UBR1: variants seen among roughly 807,000 people sequenced by gnomAD.
The protein encoded by UBR1 is E3 ubiquitin-protein ligase UBR1.
Under a neutral mutation model 242.1 loss-of-function variants are expected in UBR1, and 102 were observed. That is an observed-to-expected ratio of 0.42 (90% CI 0.36 to 0.50). UBR1 has a LOEUF of 0.50. UBR1 is among the 20% of genes least tolerant of loss of function. The pLI, the probability that UBR1 is intolerant of heterozygous loss-of-function variation, is 0.01. For synonymous variants in UBR1, 675 were observed against 684.8 expected, an observed-to-expected ratio of 0.99 and a Z score of 0.22; for missense variants, 1,772 against 2,101.8, an observed-to-expected ratio of 0.84 and a Z score of 3.07.
chr15:43,027,870 G>T lies in UBR1; in HGVS notation c.2380-42C>A. 3 of 1,456,866 alleles carry T rather than the reference G, an allele frequency of 2.1e-6. No individual in the cohort carries two copies. In the South Asian group the frequency reaches 3.4e-5, roughly 17 times the overall value. 90.2% of individuals were successfully genotyped at this position (1,456,866 alleles called of 1,614,324 possible). On this transcript the variant is annotated intron_variant, in intron 21 of 46. Transcript: ENST00000290650. ...TTTGTCATTTTTACCTTCATATAAT[G>T]ACTTCCACCTCTCTGTGAAGTGAAA...
At chr15:43,093,226 C>G (rs1202975867) in intron 1 of UBR1, among the ~76,000 whole-genome samples, 5 of 152,198 alleles carry the variant, frequency 3.3e-5, no homozygotes, top group Non-Finnish European at 7.3e-5. Context: ...TTGGGAACAT[C>G]ATTCTGAAAA....
intron 6 of UBR1, among the ~76,000 whole-genome samples, chr15:43,065,346 A>G (rs554057318): frequency 5.4e-5 from 8 of 147,140 alleles, no homozygotes; most frequent in East Asian, 2.0e-4. Flanking sequence ...CTCCTTTCCT[A>G]TTCTCTTCCT....
At chr15:42,990,405 T>C (rs1393138562) in intron 33 of UBR1, among the ~76,000 whole-genome samples, 1 of 152,170 alleles carries the variant, frequency 6.6e-6, no homozygotes, top group Non-Finnish European at 1.5e-5. Flanking sequence ...CTTGAACTCC[T>C]TAAGAGATCC....
At chr15:43,028,053 C>G (rs926637117) in intron 21 of UBR1, among the ~76,000 whole-genome samples, 2 of 152,132 alleles carry the variant, frequency 1.3e-5, no homozygotes, top group Admixed American at 1.3e-4. Flanking sequence ...GAAAGGTTAT[C>G]TAAGTTTGCC....
intron 1 of UBR1, among the ~76,000 whole-genome samples, chr15:43,101,994 G>C (rs28635025): frequency 0.37 from 32,588 of 87,908 alleles, 4,779 homozygotes; most frequent in African/African-American, 0.48. Context: ...AAAAAAAAAA[G>C]CCAGGCATGG....
intron 8 of UBR1, 111 bp from the exon 9 acceptor site, chr15:43,059,303 G>A (rs548771624): frequency 7.8e-5 from 69 of 882,346 alleles, no homozygotes; most frequent in Middle Eastern, 2.8e-4. Context: ...GGGCTCAAGC[G>A]ATCCTTCCAC....
intron 2 of UBR1, among the ~76,000 whole-genome samples, chr15:43,084,758 A>AT (rs988763833): frequency 6.6e-6 from 1 of 151,918 alleles, no homozygotes; most frequent in Non-Finnish European, 1.5e-5. Context: ...GGCCAAGGCT[A>AT]TTTTTTTTCC....
intron 43 of UBR1, 69 bp downstream of exon 43, chr15:42,960,576 C>T (rs2031997946): frequency 1.3e-5 from 19 of 1,503,068 alleles, no homozygotes; most frequent in Admixed American, 3.4e-5. Context: ...AAACTATGCT[C>T]AACAAATCAA....
At chr15:42,946,387 A>C (rs1365574971) in intron 46 of UBR1, among the ~76,000 whole-genome samples, 2 of 151,924 alleles carry the variant, frequency 1.3e-5, no homozygotes, top group Non-Finnish European at 2.9e-5. Flanking sequence ...CGGCCTCCCA[A>C]AGTGCTGGGA....
chr15:43,083,144 A>T (rs2033991898), intron 2 of UBR1, among the ~76,000 whole-genome samples: 1 of 152,240 alleles, frequency 6.6e-6, no homozygotes, highest in South Asian at 2.1e-4. Context: ...AGTTCATTAG[A>T]ATGCAAGCAA....
Position 43,038,160 on chromosome 15 carries a change from G to T in UBR1, c.1911+11C>A. The T allele has an allele frequency of 6.2e-7, 1 of 1,613,374 alleles. No individual in the cohort carries two copies. The highest frequency in any genetic ancestry group is 1.1e-5 in the South Asian group (1 of 91,060). ...AATATAAGCAAATCAATACTTAGTA[G>T]AATCACTTACAAAAGACACAAATTC... On this transcript the variant is annotated intron_variant, in intron 16 of 46. Transcript: ENST00000290650.
chr15:43,046,242 T>C (rs761311981), intron 14 of UBR1, among the ~76,000 whole-genome samples: 2 of 152,214 alleles, frequency 1.3e-5, no homozygotes, highest in Non-Finnish European at 2.9e-5. Flanking sequence ...CCTGTGGTGA[T>C]TGTACTAAAA....
At position 43,014,410 on chromosome 15, in the gene UBR1, C is replaced by T. The variant is rs571609013; in HGVS notation, c.3209+1278G>A. On this transcript the variant is annotated intron_variant, in intron 29 of 46. Transcript: ENST00000290650. ...CTGGAAAGTGAGGAGCATCTCTGCC[C>T]GGCCGCCATCCCATCTAGGAAGTGA... Among the ~76,000 whole-genome samples, 337 of 151,764 alleles carry T rather than the reference C, an allele frequency of 2.2e-3. 4 individuals are homozygous for T. The highest frequency in any genetic ancestry group is 7.8e-3 in the African/African-American group (323 of 41,318).
rs1267065140 is a variant in UBR1 at position 43,035,664 on chromosome 15, G to A, written c.2190+514C>T. Among the ~76,000 whole-genome samples, 3 of 149,092 alleles carry A rather than the reference G, an allele frequency of 2.0e-5. No individual in the cohort carries two copies. The Admixed American group carries it at 2.0e-4, about 10-fold the overall frequency. On this transcript the variant is annotated intron_variant, in intron 19 of 46. Coordinates refer to ENST00000290650, the MANE Select transcript of UBR1 (RefSeq NM_174916.3). Reference sequence around the variant, plus strand: ...CCATTTGTCAATTTTGTCTTTTGTTGCCATTGCTTTTGGTGTTTTGGACAT... The same window carrying A: ...CCATTTGTCAATTTTGTCTTTTGTTACCATTGCTTTTGGTGTTTTGGACAT...
rs116991451 is a variant in UBR1 at position 43,018,042 on chromosome 15, G to A, written c.2941-861C>T. 4.1e-3 allele frequency among the ~76,000 whole-genome samples: 614 copies of A among 148,446 alleles called. 6 individuals carry two copies. The highest frequency in any genetic ancestry group is 0.036 in the East Asian group (182 of 5,004). On this transcript the variant is annotated intron_variant, in intron 27 of 46. Coordinates refer to ENST00000290650, the MANE Select transcript of UBR1 (RefSeq NM_174916.3). ...TTTTTTAACAGGGTCTTGCTCTGTC[G>A]CCCAGGCTTGAGCGCAGTGGTGCAA...
chr15:43,060,004 G>C (rs370097636), intron 7 of UBR1, 48 bp downstream of exon 7: 1 of 1,598,678 alleles, frequency 6.3e-7, no homozygotes, highest in South Asian at 1.1e-5. Flanking sequence ...CTCTTGTAAT[G>C]TACATTCATC....
intron 1 of UBR1, among the ~76,000 whole-genome samples, chr15:43,095,858 G>A (rs1464915738): frequency 1.3e-5 from 2 of 152,208 alleles, no homozygotes; most frequent in Non-Finnish European, 2.9e-5. Context: ...GCAAGATACA[G>A]GCACACCTCA....
At position 43,038,222 on chromosome 15, in the gene UBR1, T is replaced by C; in HGVS notation, c.1860A>G (p.Val620=). Residue 620 remains valine, a synonymous_variant, in exon 16 of 47, where the codon GTA becomes GTG. Coordinates refer to ENST00000290650, the MANE Select transcript of UBR1 (RefSeq NM_174916.3). ...AAACAGCACCCAGCCTGCTTAAACG[T>C]ACATGAAGACCTAAAGTTAAAAAAA... ...PLSRTLAGLH[V]RLSRLGAVSR... 6.2e-7 allele frequency: 1 copy of C among 1,614,016 alleles called. No homozygotes were observed. The highest frequency in any genetic ancestry group is 8.5e-7 in the Non-Finnish European group (1 of 1,179,968).
chr15:42,955,447 A>G (rs369617232), intron 44 of UBR1, among the ~76,000 whole-genome samples: 4 of 152,328 alleles, frequency 2.6e-5, no homozygotes, highest in African/African-American at 9.6e-5. Context: ...GCAATTTGGA[A>G]AAAGGATGAT....
Sources: allele counts gnomAD v4.1 joint callset (sites outside exome capture counted in the v4.1 genomes callset), GRCh38; gene constraint gnomAD v4.1.1; transcripts MANE v1.5; gene names NCBI Gene and HGNC (gene_info 2026-07-23, HGNC 2026-07-21).